The following GPR149 variants were observed in gnomAD, a reference collection of about 807,000 sequenced individuals.
The protein encoded by GPR149 is probable G protein-coupled receptor 149.
GPR149 carries 50 observed loss-of-function variants against 50.2 expected under a neutral mutation model. The ratio of observed to expected loss-of-function variants is 1.00; its 90% CI spans 0.79 to 1.26. The LOEUF (loss-of-function observed/expected upper bound fraction) is 1.26, where lower values mean the gene tolerates loss of function less well. GPR149 is among the 50% of genes most tolerant of loss of function. GPR149 has a pLI of 0.00. For synonymous variants in GPR149, 405 were observed against 358.2 expected (o/e 1.13, Z -1.48); for missense variants, 983 against 895.4 (o/e 1.10, Z -1.25).
intron 3 of GPR149, among the ~76,000 whole-genome samples, chr3:154,387,935 A>G (rs1293906150): frequency 1.3e-5 from 2 of 152,204 alleles, no homozygotes; most frequent in Non-Finnish European, 2.9e-5. Context: ...TAAGACAAAC[A>G]GCAAGAAAAA....
chr3:154,406,210 C>A (rs1046724515), intron 3 of GPR149, among the ~76,000 whole-genome samples: 1 of 151,804 alleles, frequency 6.6e-6, no homozygotes, highest in South Asian at 2.1e-4. Flanking sequence ...TTAAAACAAC[C>A]CTGAGAAATC....
chr3:154,391,200 A>G (rs896288340), intron 3 of GPR149, among the ~76,000 whole-genome samples: 3 of 152,072 alleles, frequency 2.0e-5, no homozygotes, highest in Non-Finnish European at 4.4e-5. Context: ...ACTTTTAATC[A>G]TAATATAAAA....
intron 3 of GPR149, among the ~76,000 whole-genome samples, chr3:154,361,637 CT>C (rs1395358895): frequency 6.6e-6 from 1 of 152,052 alleles, no homozygotes; most frequent in African/African-American, 2.4e-5. Context: ...GTACGGGGTG[CT>C]TTTTTTCTTT....
intron 3 of GPR149, among the ~76,000 whole-genome samples, chr3:154,356,194 C>A (rs1032500464): frequency 4.6e-5 from 7 of 152,118 alleles, no homozygotes; most frequent in Non-Finnish European, 8.8e-5. Context: ...AAGTGGATGA[C>A]TTATGGGCTA....
chr3:154,350,094 G>T (rs1028462446), intron 3 of GPR149, among the ~76,000 whole-genome samples: 1 of 152,132 alleles, frequency 6.6e-6, no homozygotes, highest in East Asian at 1.9e-4. Context: ...CTACTGAGGA[G>T]GCTGAGGTGA....
chr3:154,388,855 T>C (rs181138681), intron 3 of GPR149, among the ~76,000 whole-genome samples: 1 of 135,286 alleles, frequency 7.4e-6, no homozygotes, highest in East Asian at 2.2e-4. Context: ...TATGGTAACA[T>C]TTCACACATA....
intron 3 of GPR149, among the ~76,000 whole-genome samples, chr3:154,363,931 G>T (rs565729538): frequency 6.6e-6 from 1 of 152,288 alleles, no homozygotes; most frequent in Admixed American, 6.5e-5. Flanking sequence ...CAGTGTTCAT[G>T]TACCTTATTC....
intron 3 of GPR149, among the ~76,000 whole-genome samples, chr3:154,369,996 T>C (rs1714627263): frequency 6.6e-6 from 1 of 152,276 alleles, no homozygotes; most frequent in South Asian, 2.1e-4. Flanking sequence ...ATCATGGAGA[T>C]TGGAGCCGCA....
chr3:154,349,225 C>CT (rs1714007840), intron 3 of GPR149, among the ~76,000 whole-genome samples: 1 of 151,864 alleles, frequency 6.6e-6, no homozygotes. Context: ...GCAAAATAAA[C>CT]TGAAAGCAAA....
chr3:154,352,454 A>G (rs1714103156), intron 3 of GPR149: 2 of 811,164 alleles, frequency 2.5e-6, no homozygotes, highest in Admixed American at 3.4e-5. Context: ...CATCAAAGCA[A>G]ACACCCATAT....
intron 3 of GPR149, among the ~76,000 whole-genome samples, chr3:154,360,950 C>G (rs1333092780): frequency 6.6e-6 from 1 of 152,088 alleles, no homozygotes; most frequent in Non-Finnish European, 1.5e-5. Context: ...AGTAAAATTT[C>G]AAGTCTTAAA....
chr3:154,353,118 G>A, intron 3 of GPR149: 2 of 1,488,160 alleles, frequency 1.3e-6, no homozygotes, highest in Non-Finnish European at 1.9e-6. Flanking sequence ...TGGATTCATG[G>A]CCATTTCAGT....
intron 3 of GPR149, among the ~76,000 whole-genome samples, chr3:154,396,513 G>T (rs1300970500): frequency 6.6e-6 from 1 of 152,008 alleles, no homozygotes; most frequent in African/African-American, 2.4e-5. Context: ...TGAGGGCATT[G>T]GTAGGGTGTC....
At chr3:154,358,210 C>T (rs1714288674) in intron 3 of GPR149, among the ~76,000 whole-genome samples, 1 of 152,018 alleles carries the variant, frequency 6.6e-6, no homozygotes, top group East Asian at 1.9e-4. Flanking sequence ...TTAATGGGTG[C>T]AGCACACCAA....
At chr3:154,339,655 T>C (rs1713739820) in intron 3 of GPR149, among the ~76,000 whole-genome samples, 1 of 152,110 alleles carries the variant, frequency 6.6e-6, no homozygotes, top group Non-Finnish European at 1.5e-5. Flanking sequence ...GCATTTTCAA[T>C]CTGGACCCAA....
intron 3 of GPR149, among the ~76,000 whole-genome samples, chr3:154,360,079 G>T (rs1388454864): frequency 2.0e-5 from 3 of 152,106 alleles, no homozygotes; most frequent in African/African-American, 7.2e-5. Flanking sequence ...GTAAGCAGTT[G>T]CCCAGAAAGA....
At chr3:154,404,873 T>TCATCAG (rs60579531) in intron 3 of GPR149, among the ~76,000 whole-genome samples, 69,424 of 150,992 alleles carry the variant, frequency 0.46, 16,773 homozygotes, top group Middle Eastern at 0.63. Flanking sequence ...ATCATCATCA[T>TCATCAG]CAGCAGCAGC....
chr3:154,393,041 T>C (rs561613460), intron 3 of GPR149, among the ~76,000 whole-genome samples: 1 of 152,126 alleles, frequency 6.6e-6, no homozygotes, highest in Admixed American at 6.5e-5. Context: ...CAATCTCCTC[T>C]AAAGAATTGA....
chr3:154,350,592 G>A (rs1714053960), intron 3 of GPR149, among the ~76,000 whole-genome samples: 1 of 152,118 alleles, frequency 6.6e-6, no homozygotes, highest in Non-Finnish European at 1.5e-5. Flanking sequence ...AGACTTGACA[G>A]TAAAGATATC....
Sources: allele counts gnomAD v4.1 joint callset (sites outside exome capture counted in the v4.1 genomes callset), GRCh38; gene constraint gnomAD v4.1.1; transcripts MANE v1.5; gene names NCBI Gene and HGNC (gene_info 2026-07-23, HGNC 2026-07-21).